The following LCORL variants were observed in gnomAD, a reference collection of about 807,000 sequenced individuals.
LCORL encodes ligand-dependent nuclear receptor corepressor-like protein.
A neutral mutation model predicts 141.8 loss-of-function variants in LCORL; 41 were observed. The ratio of observed to expected loss-of-function variants is 0.29; its 90% CI spans 0.23 to 0.38. The LOEUF is 0.38. LCORL is among the 10% of genes least tolerant of loss of function. LCORL has a pLI of 1.00. For synonymous variants in LCORL, 618 were observed against 694.1 expected, an observed-to-expected ratio of 0.89 and a Z score of 1.72; for missense variants, 1,759 against 2,035.0, an observed-to-expected ratio of 0.86 and a Z score of 2.61.
intron 1 of LCORL, among the ~76,000 whole-genome samples, chr4:18,014,747 A>G (rs989716487): frequency 1.3e-5 from 2 of 152,252 alleles, no homozygotes; most frequent in African/African-American, 4.8e-5. Flanking sequence ...TTCTTCAAAT[A>G]CAAAGATGGC....
rs1420291798 is a variant in LCORL at position 17,912,398 on chromosome 4, C to A, written c.431-3053G>T. On this transcript the variant is annotated intron_variant, in intron 4 of 7. Transcript: ENST00000635767. ...CAGATTGCCAGCTCTAGGGTGACTG[C>A]GGAGGTAGATGCCACTAAATCTCAG... 3 of 632,486 alleles carry A rather than the reference C, an allele frequency of 4.7e-6. No homozygotes were observed. In the Admixed American group the frequency reaches 5.6e-5, roughly 12 times the overall value. The allele number at this position is 632,486 out of a possible 1,614,324, so 39.2% of individuals were successfully genotyped here.
At chr4:17,890,979 TTC>T in intron 5 of LCORL, among the ~76,000 whole-genome samples, 1 of 152,246 alleles carries the variant, frequency 6.6e-6, no homozygotes, top group South Asian at 2.1e-4. Flanking sequence ...AAGGAAATCA[TTC>T]TGTTTCATCT....
intron 5 of LCORL, among the ~76,000 whole-genome samples, chr4:17,894,894 G>A (rs1365234564): frequency 1.3e-5 from 2 of 151,980 alleles, no homozygotes; most frequent in East Asian, 3.9e-4. Flanking sequence ...GACATATCAC[G>A]AGGTACATAA....
intron 4 of LCORL, among the ~76,000 whole-genome samples, chr4:17,922,785 C>T (rs1577429795): frequency 6.6e-6 from 1 of 152,118 alleles, no homozygotes; most frequent in African/African-American, 2.4e-5. Context: ...TGGGAGAAAC[C>T]TGATGAGGCT....
At chr4:17,991,451 T>C (rs771268362) in intron 1 of LCORL, among the ~76,000 whole-genome samples, 21 of 152,252 alleles carry the variant, frequency 1.4e-4, no homozygotes, top group Admixed American at 3.3e-4. Flanking sequence ...ATCCCAAATG[T>C]AGCTAGAGTC....
At chr4:17,882,338 AATAC>A (rs1727684136) in intron 6 of LCORL, 14 of 984,674 alleles carry the variant, frequency 1.4e-5, no homozygotes, top group Non-Finnish European at 1.6e-5. Flanking sequence ...GAGAATTTTG[AATAC>A]ATAAAGCAAA....
exon 5 of LCORL, chr4:17,909,144 C>A (rs758780701): frequency 5.0e-6 from 8 of 1,612,904 alleles, no homozygotes; most frequent in Non-Finnish European, 6.8e-6. Flanking sequence ...GTCTAAGGGG[C>A]CTTCCTGCTC....
chr4:18,019,055 G>A (rs1725074701), intron 1 of LCORL, among the ~76,000 whole-genome samples: 1 of 152,054 alleles, frequency 6.6e-6, no homozygotes, highest in Admixed American at 6.5e-5. Context: ...TAACACCTAA[G>A]ATGCTAAAAA....
chr4:17,927,106 T>C (rs146120229), intron 4 of LCORL, among the ~76,000 whole-genome samples: 303 of 152,364 alleles, frequency 2.0e-3, no homozygotes, highest in African/African-American at 6.8e-3. Flanking sequence ...ACCTTCTGGA[T>C]AGCCTGCTGC....
At chr4:17,974,650 T>C (rs1344524294) in intron 1 of LCORL, among the ~76,000 whole-genome samples, 1 of 152,108 alleles carries the variant, frequency 6.6e-6, no homozygotes, top group Admixed American at 6.6e-5. Context: ...GCTGGCCTCA[T>C]AAAGCAAACT....
intron 4 of LCORL, among the ~76,000 whole-genome samples, chr4:17,956,065 T>A (rs7673321): frequency 0.16 from 24,679 of 151,976 alleles, 2,093 homozygotes; most frequent in South Asian, 0.28. Flanking sequence ...ATGTTCAACA[T>A]CACTAATCAC....
chr4:17,867,074 A>G (rs1413680793), intron 7 of LCORL: 3 of 638,924 alleles, frequency 4.7e-6, no homozygotes, highest in African/African-American at 2.0e-5. Flanking sequence ...ACTGGTGTTC[A>G]TGGCTCCCCC....
intron 1 of LCORL, among the ~76,000 whole-genome samples, chr4:17,999,088 A>G (rs962857390): frequency 6.7e-6 from 1 of 149,412 alleles, no homozygotes; most frequent in Non-Finnish European, 1.5e-5. Flanking sequence ...TGTACTGTAC[A>G]TAATTGTATG....
intron 2 of LCORL, among the ~76,000 whole-genome samples, chr4:17,964,151 A>C (rs1382265680): frequency 6.6e-6 from 1 of 152,138 alleles, no homozygotes; most frequent in Non-Finnish European, 1.5e-5. Flanking sequence ...CTGCAGTAGT[A>C]CACAAACTTA....
At chr4:17,937,957 T>A (rs1296985744) in intron 4 of LCORL, among the ~76,000 whole-genome samples, 1 of 151,814 alleles carries the variant, frequency 6.6e-6, no homozygotes, top group African/African-American at 2.4e-5. Context: ...TATTTACATG[T>A]GGCAGGAATA....
exon 7 of LCORL, chr4:17,876,696 A>G (rs2109185875): frequency 8.1e-7 from 1 of 1,230,854 alleles, no homozygotes; most frequent in Non-Finnish European, 1.0e-6. Context: ...AAGTCCAGAA[A>G]CATCATTTCT....
At chr4:18,011,912 C>G (rs1035979872) in intron 1 of LCORL, among the ~76,000 whole-genome samples, 2 of 152,168 alleles carry the variant, frequency 1.3e-5, no homozygotes, top group African/African-American at 4.8e-5. Flanking sequence ...ATTAATTGTT[C>G]CCACTTCTGT....
intron 4 of LCORL, among the ~76,000 whole-genome samples, chr4:17,921,046 AC>A (rs1734213659): frequency 6.6e-6 from 1 of 151,982 alleles, no homozygotes; most frequent in African/African-American, 2.4e-5. Flanking sequence ...ATTTTTTGAG[AC>A]AAAGTCTCAC....
At chr4:17,914,016 G>A (rs1423177769) in intron 4 of LCORL, among the ~76,000 whole-genome samples, 7 of 151,836 alleles carry the variant, frequency 4.6e-5, no homozygotes, top group Admixed American at 2.6e-4. Context: ...TGTTAACTTC[G>A]TAACTGGAAA....
Sources: allele counts gnomAD v4.1 joint callset (sites outside exome capture counted in the v4.1 genomes callset), GRCh38; gene constraint gnomAD v4.1.1; transcripts MANE v1.5; gene names NCBI Gene and HGNC (gene_info 2026-07-23, HGNC 2026-07-21).